Variants in KLHL22 observed in about 807,000 individuals in gnomAD.
KLHL22 encodes kelch like family member 22.
In KLHL22, 18 loss-of-function variants were observed where a neutral mutation model predicts 60.7. That is an observed-to-expected ratio of 0.30 (90% CI 0.20 to 0.44). The LOEUF (loss-of-function observed/expected upper bound fraction) is 0.44, where lower values mean the gene tolerates loss of function less well. Ranked by LOEUF, KLHL22 falls within the 20% of genes least tolerant of loss-of-function variation. The pLI is 1.00. For missense variants in KLHL22, 596 were observed against 852.3 expected, an observed-to-expected ratio of 0.70 and a Z score of 3.74; for synonymous variants, 355 against 354.5, an observed-to-expected ratio of 1.00 and a Z score of -0.01.
chr22:20,481,498 G>A (rs2053500424), intron 2 of KLHL22, among the ~76,000 whole-genome samples: 1 of 152,116 alleles, frequency 6.6e-6, no homozygotes, highest in Non-Finnish European at 1.5e-5. Flanking sequence ...ACTTGAACCT[G>A]GTAGGCGGAG....
chr22:20,464,566 C>A (rs942583038), intron 4 of KLHL22, among the ~76,000 whole-genome samples: 1 of 152,174 alleles, frequency 6.6e-6, no homozygotes, highest in Non-Finnish European at 1.5e-5. Flanking sequence ...CCTCCCGTCT[C>A]CTCCTGCACA....
chr22:20,489,019 G>A lies in KLHL22; in HGVS notation c.193C>T (p.Arg65Cys). The A allele has an allele frequency of 1.2e-6, 2 of 1,613,974 alleles. No homozygotes were observed. The highest frequency in any genetic ancestry group is 1.7e-6 in the Non-Finnish European group (2 of 1,180,042). ...VVEGRHIEAH[R>C]ILLAASCDYF... ...TCGCAGGACGCAGCCAGCAGGATGC[G>A]ATGGGCCTCGATGTGTCTGCCCTCC... Residue 65 changes from arginine to cysteine, a missense_variant, in exon 2 of 7, where the codon CGC becomes TGC. Arg to Cys is a radical substitution (Grantham distance 180, BLOSUM62 -3). Coordinates refer to ENST00000328879, the MANE Select transcript of KLHL22 (RefSeq NM_032775.4).
rs2053371245 is a variant in KLHL22, at chr22:20,474,150, C to A, written c.228-2635G>T. Among the ~76,000 whole-genome samples, 4 of 152,034 alleles carry A rather than the reference C, an allele frequency of 2.6e-5. No individual in the cohort carries two copies. In the South Asian group the frequency reaches 8.3e-4, roughly 32 times the overall value. On this transcript the variant is annotated intron_variant, in intron 2 of 6. Transcript: ENST00000328879. ...AAGTAGCTGGGACTACAGGTGCCCC[C>A]CACCACGCCCAGCTAATTTTTTGTA...
chr22:20,457,146 C>A (rs929590406), intron 5 of KLHL22, among the ~76,000 whole-genome samples: 3 of 152,198 alleles, frequency 2.0e-5, no homozygotes, highest in South Asian at 4.2e-4. Context: ...TTACACCAGG[C>A]CTGAGTACCC....
At chr22:20,485,153 G>T (rs1004352369) in intron 2 of KLHL22, among the ~76,000 whole-genome samples, 23 of 152,200 alleles carry the variant, frequency 1.5e-4, no homozygotes, top group African/African-American at 5.5e-4. Context: ...ATTCACAGAT[G>T]GAATGAAAAC....
At chr22:20,468,228 C>A (rs2146227935) in intron 3 of KLHL22, among the ~76,000 whole-genome samples, 1 of 152,310 alleles carries the variant, frequency 6.6e-6, no homozygotes, top group South Asian at 2.1e-4. Flanking sequence ...TTGTCATGGG[C>A]CAGGGTCCTG....
chr22:20,464,408 G>A (rs1022582984), intron 4 of KLHL22, among the ~76,000 whole-genome samples: 2 of 152,184 alleles, frequency 1.3e-5, no homozygotes, highest in African/African-American at 4.8e-5. Flanking sequence ...TAAGAGAGAA[G>A]AGCAAAGCTG....
intron 5 of KLHL22, among the ~76,000 whole-genome samples, chr22:20,449,450 G>C (rs1373191759): frequency 6.6e-6 from 1 of 151,830 alleles, no homozygotes. Flanking sequence ...GCCCAGGCTG[G>C]AGTGCAAAGG....
chr22:20,476,504 C>T (rs947709710), intron 2 of KLHL22, among the ~76,000 whole-genome samples: 3 of 149,156 alleles, frequency 2.0e-5, no homozygotes, highest in African/African-American at 7.5e-5. Context: ...GTTCCGCCCC[C>T]CGGGGTTCAC....
intron 3 of KLHL22, among the ~76,000 whole-genome samples, chr22:20,467,760 G>A (rs1028203111): frequency 3.9e-5 from 6 of 152,080 alleles, no homozygotes; most frequent in East Asian, 1.9e-4. Context: ...CCGGGTTCAC[G>A]CCATTCTCCC....
chr22:20,459,828 A>G lies in KLHL22; in HGVS notation c.1113-1828T>C, dbSNP rs138920046. ...AGGTCAGGGCCCTGCCTTCCCCTGC[A>G]GAATGGAAACAGGCTAACCAGAGCA... On this transcript the variant is annotated intron_variant, in intron 4 of 6. Transcript: ENST00000328879. 2.1e-3 allele frequency among the ~76,000 whole-genome samples: 315 copies of G among 152,354 alleles called. 1 individual carries two copies. Among genetic ancestry groups the G allele is most frequent in the African/African-American group, 6.8e-3 (283 of 41,590 alleles).
chr22:20,457,552 T>C (rs2053082636), intron 5 of KLHL22, among the ~76,000 whole-genome samples: 1 of 150,822 alleles, frequency 6.6e-6, no homozygotes. Flanking sequence ...GGTCTCAGCA[T>C]GTAAGACTCA....
rs143306032 is a variant in KLHL22, at chr22:20,494,632, C to T, written c.-34+1128G>A. ...CCTCAGGTGATCTGCCAGCCTTGGC[C>T]TCCCAAAGTGCTGGGATTACAGGCA... On this transcript the variant is annotated intron_variant, in intron 1 of 6. Coordinates refer to ENST00000328879, the MANE Select transcript of KLHL22 (RefSeq NM_032775.4). Among the ~76,000 whole-genome samples, 120 of 152,170 alleles carry T rather than the reference C, an allele frequency of 7.9e-4. 1 individual carries two copies. The highest frequency in any genetic ancestry group is 2.6e-3 in the African/African-American group (107 of 41,522).
Position 20,489,236 on chromosome 22 carries a change from A to C in KLHL22, c.-25T>G. The stretch of plus-strand genomic sequence containing the variant: ...TCCTGACAGCCACAAGATCCCTTAC[A>C]ACTGTGGCCTGACAGTTGGCAAAAC... On this transcript the variant is annotated 5_prime_UTR_variant, in exon 2 of 7. Coordinates refer to ENST00000328879, the MANE Select transcript of KLHL22 (RefSeq NM_032775.4). 2 of 1,612,590 alleles carry C rather than the reference A, an allele frequency of 1.2e-6. No individual in the cohort carries two copies. Among genetic ancestry groups the C allele is most frequent in the Non-Finnish European group, 1.7e-6 (2 of 1,179,322 alleles).
At chr22:20,463,404 CA>C (rs1397588492) in intron 4 of KLHL22, among the ~76,000 whole-genome samples, 1 of 152,210 alleles carries the variant, frequency 6.6e-6, no homozygotes, top group Non-Finnish European at 1.5e-5. Context: ...GGACAGAGGA[CA>C]GGGGCAGGCA....
chr22:20,493,668 G>A (rs1569150075), intron 1 of KLHL22, among the ~76,000 whole-genome samples: 1 of 151,852 alleles, frequency 6.6e-6, no homozygotes, highest in Admixed American at 6.6e-5. Flanking sequence ...TATAATCCCA[G>A]CTACTTGGGA....
At chr22:20,468,792 TG>T (rs776046237) in intron 3 of KLHL22, among the ~76,000 whole-genome samples, 284 of 152,232 alleles carry the variant, frequency 1.9e-3, no homozygotes, top group Non-Finnish European at 3.7e-3. Flanking sequence ...CCCGAGTAGC[TG>T]GAACTACAGG....
intron 2 of KLHL22, chr22:20,483,576 AGAC>A: frequency 1.4e-6 from 1 of 726,986 alleles, no homozygotes; most frequent in East Asian, 2.6e-5. Context: ...CGCTCTCCAC[AGAC>A]TAGTGCATGG....
chr22:20,480,815 G>T (rs1342285904), intron 2 of KLHL22, among the ~76,000 whole-genome samples: 1 of 146,784 alleles, frequency 6.8e-6, no homozygotes, highest in Admixed American at 6.8e-5. Context: ...GGCTTAATGA[G>T]TTTACGCCAA....
Sources: allele counts gnomAD v4.1 joint callset (sites outside exome capture counted in the v4.1 genomes callset), GRCh38; gene constraint gnomAD v4.1.1; transcripts MANE v1.5; gene names NCBI Gene and HGNC (gene_info 2026-07-23, HGNC 2026-07-21).